STIMATE: variants seen among roughly 807,000 people sequenced by gnomAD.
The protein encoded by STIMATE is store-operated calcium entry regulator STIMATE.
Under a neutral mutation model 36.7 loss-of-function variants are expected in STIMATE, and 15 were observed. The observed-to-expected ratio is 0.41, with a 90% CI of 0.27 to 0.63. STIMATE has a LOEUF of 0.63. Ranked by LOEUF, STIMATE falls within the 20% of genes least tolerant of loss-of-function variation. The pLI is 0.32. For synonymous variants in STIMATE, 163 were observed against 162.3 expected (o/e 1.00, Z -0.03); for missense variants, 305 against 397.3 (o/e 0.77, Z 1.98).
chr3:52,861,062 T>A (rs959600458), intron 1 of STIMATE, among the ~76,000 whole-genome samples: 5 of 152,212 alleles, frequency 3.3e-5, no homozygotes, highest in African/African-American at 9.7e-5. Context: ...TGGAGGGGAC[T>A]TGCTCAGATG....
chr3:52,880,828 C>A (rs1701590672), intron 1 of STIMATE, among the ~76,000 whole-genome samples: 1 of 152,192 alleles, frequency 6.6e-6, no homozygotes, highest in Non-Finnish European at 1.5e-5. Context: ...CAAAAATAGT[C>A]TGAAATTCAT....
At position 52,852,597 on chromosome 3, in the gene STIMATE, A is replaced by G; in HGVS notation, c.305+6T>C. The G allele has an allele frequency of 2.5e-6, 4 of 1,613,316 alleles. No homozygotes were observed. The highest frequency in any genetic ancestry group is 3.4e-6 in the Non-Finnish European group (4 of 1,179,724). ...TGATGTTTGCACTCAAATAGGGAAC[A>G]CTTACAGTGAACAAGGGTCCTCTTC... On this transcript the variant is annotated splice_donor_region_variant and intron_variant, in intron 3 of 7. Transcript: ENST00000355083.
intron 1 of STIMATE, among the ~76,000 whole-genome samples, chr3:52,859,580 G>C (rs1385322130): frequency 1.8e-5 from 2 of 109,898 alleles, no homozygotes; most frequent in African/African-American, 7.2e-5. Context: ...TGTACCCGTA[G>C]TCCCAGCTAC....
At chr3:52,867,771 T>C (rs1701335613) in intron 1 of STIMATE, among the ~76,000 whole-genome samples, 1 of 152,212 alleles carries the variant, frequency 6.6e-6, no homozygotes, top group African/African-American at 2.4e-5. Flanking sequence ...AGAAGGGTCC[T>C]TGAGTGTCCA....
chr3:52,840,003 T>A lies in STIMATE; in HGVS notation c.*491A>T, dbSNP rs1381641322. The stretch of plus-strand genomic sequence containing the variant: ...TCATAAAACCAGCTTCAGAAATCAA[T>A]AGTTACAAAAGCCATTTTGAGTAAG... On this transcript the variant is annotated 3_prime_UTR_variant, in exon 8 of 8. Coordinates refer to ENST00000355083, the MANE Select transcript of STIMATE (RefSeq NM_198563.5). 1 of 152,584 alleles carries A rather than the reference T, an allele frequency of 6.6e-6. No homozygotes were observed. Among genetic ancestry groups the A allele is most frequent in the Non-Finnish European group, 1.5e-5 (1 of 68,022 alleles). The allele number at this position is 152,584 out of a possible 1,614,324, so 9.5% of individuals were successfully genotyped here. A position where few individuals can be genotyped will look rare whatever the true frequency, so the allele number is the denominator to read the frequency against.
intron 1 of STIMATE, among the ~76,000 whole-genome samples, chr3:52,885,142 T>C (rs1370952102): frequency 6.6e-6 from 1 of 152,246 alleles, no homozygotes; most frequent in Non-Finnish European, 1.5e-5. Context: ...CTCATCACTA[T>C]TTTAATTTGC....
At chr3:52,869,966 T>A (rs1701375284) in intron 1 of STIMATE, among the ~76,000 whole-genome samples, 1 of 152,230 alleles carries the variant, frequency 6.6e-6, no homozygotes, top group African/African-American at 2.4e-5. Context: ...ATTACAGCCA[T>A]GCTTTGTACT....
intron 5 of STIMATE, 132 bp from the exon 6 acceptor site, chr3:52,843,930 C>A (rs1700851883): frequency 8.6e-7 from 1 of 1,166,662 alleles, no homozygotes; most frequent in Non-Finnish European, 1.2e-6. Flanking sequence ...ATGGGAGCAG[C>A]ACCTCATGCC....
At chr3:52,877,411 T>TG (rs1701518197) in intron 1 of STIMATE, among the ~76,000 whole-genome samples, 1 of 152,066 alleles carries the variant, frequency 6.6e-6, no homozygotes, top group Non-Finnish European at 1.5e-5. Flanking sequence ...TAGAACAAAC[T>TG]CCCTGGACAA....
At chr3:52,859,053 T>A (rs562510416) in intron 1 of STIMATE, among the ~76,000 whole-genome samples, 1 of 151,646 alleles carries the variant, frequency 6.6e-6, no homozygotes, top group South Asian at 2.1e-4. Context: ...TCCCAGCTAT[T>A]TGGGAGGCAG....
chr3:52,891,668 T>TTTTC (rs770005112), intron 1 of STIMATE, among the ~76,000 whole-genome samples: 1 of 151,974 alleles, frequency 6.6e-6, no homozygotes, highest in Non-Finnish European at 1.5e-5. Flanking sequence ...CTAAAGGTGC[T>TTTTC]TTTCTTTCTT....
At chr3:52,872,267 T>C (rs1468125708) in intron 1 of STIMATE, among the ~76,000 whole-genome samples, 1 of 152,216 alleles carries the variant, frequency 6.6e-6, no homozygotes, top group East Asian at 1.9e-4. Flanking sequence ...TCTGTATTCC[T>C]AGCACTTAGA....
In STIMATE at chr3:52,896,402, G is replaced by A. The variant is rs559367515; in HGVS notation, c.160+889C>T. Among the ~76,000 whole-genome samples, 7 of 152,180 alleles carry A rather than the reference G, an allele frequency of 4.6e-5. No homozygotes were observed. In the South Asian group the frequency reaches 1.5e-3, roughly 32 times the overall value. On this transcript the variant is annotated intron_variant, in intron 1 of 7. Transcript: ENST00000355083. ...CACAAGGGCACTCCTAGGCTTACAT[G>A]TCGAGCAAAACTTCTTGTTACTTTA... is the stretch of plus-strand genomic sequence containing the variant.
intron 1 of STIMATE, among the ~76,000 whole-genome samples, chr3:52,882,009 T>C (rs1401960435): frequency 6.6e-6 from 1 of 152,220 alleles, no homozygotes; most frequent in Non-Finnish European, 1.5e-5. Flanking sequence ...CCTAAAGAAG[T>C]AAACATTTAC....
At chr3:52,855,937 T>C (rs1048329174) in intron 1 of STIMATE, among the ~76,000 whole-genome samples, 2 of 151,136 alleles carry the variant, frequency 1.3e-5, no homozygotes, top group Non-Finnish European at 2.9e-5. Context: ...TAGAGAAGAG[T>C]GAAGTCTGTC....
At chr3:52,859,174 AAT>A (rs1411035573) in intron 1 of STIMATE, among the ~76,000 whole-genome samples, 2 of 149,062 alleles carry the variant, frequency 1.3e-5, no homozygotes, top group African/African-American at 2.4e-5. Context: ...AAAAAAATAA[AAT>A]AAATAAAATA....
At chr3:52,871,555 A>G (rs1030582492) in intron 1 of STIMATE, among the ~76,000 whole-genome samples, 3 of 152,120 alleles carry the variant, frequency 2.0e-5, no homozygotes, top group African/African-American at 7.2e-5. Context: ...CTTTTCCACA[A>G]AAGAGGCTCA....
chr3:52,843,588 T>C, intron 6 of STIMATE, 133 bp downstream of exon 6: 2 of 1,313,584 alleles, frequency 1.5e-6, no homozygotes, highest in Non-Finnish European at 2.1e-6. Context: ...GGTCTGGGGG[T>C]GGGAGAGGTG....
Position 52,842,845 on chromosome 3 carries a change from C to T in STIMATE, c.734G>A (p.Arg245Gln), listed in dbSNP as rs775080125. 3.3e-5 allele frequency: 53 copies of T among 1,614,126 alleles called. No individual in the cohort carries two copies. Among genetic ancestry groups the T allele is most frequent in the African/African-American group, 1.1e-4 (8 of 74,944 alleles). Residue 245 changes from arginine (R) to glutamine (Q), a missense_variant, in exon 7 of 8, where the codon CGG (arginine) becomes CAG (glutamine). Physicochemically the swap from Arg to Gln is conservative, Grantham distance 43 (BLOSUM62 1). Coordinates refer to ENST00000355083, the MANE Select transcript of STIMATE (RefSeq NM_198563.5). ...DSRNGSKVRY[R>Q]RAASHEESES... is the part of the protein sequence containing the mutation. The stretch of plus-strand genomic sequence containing the variant: ...AGACTCCTCGTGGGATGCGGCCCTC[C>T]GGTAGCGGACCTTGCTCCCATTCCT...
Sources: allele counts gnomAD v4.1 joint callset (sites outside exome capture counted in the v4.1 genomes callset), GRCh38; gene constraint gnomAD v4.1.1; transcripts MANE v1.5; gene names NCBI Gene and HGNC (gene_info 2026-07-23, HGNC 2026-07-21).